The following TAF1D variants were observed in gnomAD, a reference collection of about 807,000 sequenced individuals.
TAF1D encodes TATA box-binding protein-associated factor RNA polymerase I subunit D.
Under a neutral mutation model 26.2 loss-of-function variants are expected in TAF1D, and 23 were observed. That is an observed-to-expected ratio of 0.88 (90% CI 0.63 to 1.25). TAF1D has a LOEUF of 1.25. Ranked by LOEUF, TAF1D falls within the 50% of genes most tolerant of loss-of-function variation. The probability of loss-of-function intolerance (pLI) is 0.00; values close to 1 mark genes in which losing one functional copy is unlikely to be tolerated. For missense variants in TAF1D, 299 were observed against 322.0 expected, an observed-to-expected ratio of 0.93 and a Z score of 0.55; for synonymous variants, 100 against 105.6, an observed-to-expected ratio of 0.95 and a Z score of 0.33.
At chr11:93,736,814 TCCAC>T in intron 4 of TAF1D, 63 bp from the exon 5 acceptor site, 3 of 1,513,064 alleles carry the variant, frequency 2.0e-6, no homozygotes, top group Non-Finnish European at 2.7e-6. Context: ...AGTTGTATAT[TCCAC>T]TCTGAAATAT....
chr11:93,731,502 G>A (rs769196738), downstream of TAF1D: 12 of 518,484 alleles, frequency 2.3e-5, no homozygotes, highest in African/African-American at 2.3e-4. Flanking sequence ...TAATGTAAAT[G>A]GATGTTCAGA....
downstream of TAF1D, chr11:93,735,325 G>A (rs1234716347): frequency 4.2e-6 from 5 of 1,189,858 alleles, no homozygotes; most frequent in Admixed American, 5.9e-5. Context: ...TTCTCCCCAG[G>A]TATACATGTT....
At chr11:93,730,547 A>G (rs1001392515) in exon 12 of TAF1D, 1 of 642,368 alleles carries the variant, frequency 1.6e-6, no homozygotes, top group Non-Finnish European at 2.9e-6. Context: ...AGCACCAAAC[A>G]TTAGGAGTGC....
Position 93,738,400 on chromosome 11 carries a change from A to G in TAF1D, c.168T>C (p.Pro56=). ...ATGAATCACTTGCGTGAACACTTTC[A>G]GGTGTACGAACAAATTTTCGAATGG... The part of the protein sequence containing the change: ...RNPIRKFVRT[P]ESVHASDSSS... Residue 56 remains proline, a synonymous_variant, in exon 3 of 6, where the codon CCT becomes CCC. Coordinates refer to ENST00000448108, the MANE Select transcript of TAF1D (RefSeq NM_024116.4). 6.2e-7 allele frequency: 1 copy of G among 1,613,794 alleles called. No homozygotes were observed. Among genetic ancestry groups the G allele is most frequent in the South Asian group, 1.1e-5 (1 of 90,936 alleles).
downstream of TAF1D, chr11:93,733,020 G>A (rs377605660): frequency 2.4e-4 from 81 of 333,356 alleles, no homozygotes; most frequent in South Asian, 1.9e-3. Context: ...TGAAATACTG[G>A]GATGGTGTAA....
At chr11:93,735,279 G>A (rs1301215923), downstream of TAF1D, 4 of 1,292,774 alleles carry the variant, frequency 3.1e-6, no homozygotes, top group Non-Finnish European at 4.1e-6. Flanking sequence ...GCTCTATCGT[G>A]GTGATCAAAA....
chr11:93,736,857 AAC>A (rs1465908059), intron 4 of TAF1D, 106 bp from the exon 5 acceptor site: 1 of 1,332,136 alleles, frequency 7.5e-7, no homozygotes, highest in Admixed American at 2.6e-5. Context: ...AGTCAAAGGA[AAC>A]ACAAAATTTG....
chr11:93,736,720 CT>C lies in TAF1D; in HGVS notation c.666del (p.Asp223IlefsTer14). ...GCCAATTTGATATCACATTCGTTAT[CT>C]TCAAGATGTGTTGCATCCTCATCCT... ...TAEDEDATHL[E>X]DNECDIKLAG... is the part of the protein sequence containing the mutation. On this transcript the variant is annotated frameshift_variant, in exon 5 of 6. Transcript: ENST00000448108. LOFTEE classifies it low-confidence loss of function (END_TRUNC). The C allele has an allele frequency of 6.2e-7, 1 of 1,611,288 alleles. No individual in the cohort carries two copies. Among genetic ancestry groups the C allele is most frequent in the Non-Finnish European group, 8.5e-7 (1 of 1,179,248 alleles).
chr11:93,740,853 G>A (rs1165138099), intron 1 of TAF1D, among the ~76,000 whole-genome samples: 1 of 152,152 alleles, frequency 6.6e-6, no homozygotes, highest in Non-Finnish European at 1.5e-5. Flanking sequence ...CTTTTTCGAA[G>A]TGTTTAGAAG....
chr11:93,733,888 T>C (rs1230032895), downstream of TAF1D: 1 of 154,124 alleles, frequency 6.5e-6, no homozygotes, highest in African/African-American at 2.4e-5. Context: ...GAAACTGCAA[T>C]ATGCTCTTAC....
intron 4 of TAF1D, 150 bp from the exon 5 acceptor site, chr11:93,736,901 A>G (rs1940917061): frequency 9.1e-7 from 1 of 1,096,150 alleles, no homozygotes; most frequent in South Asian, 1.7e-5. Context: ...TTCTAGATGA[A>G]CGGTGTGCCA....
downstream of TAF1D, chr11:93,732,466 T>C (rs1939380516): frequency 1.9e-6 from 1 of 518,764 alleles, no homozygotes; most frequent in Non-Finnish European, 3.8e-6. Flanking sequence ...CCCTAGCAGG[T>C]GTAAACTGCT....
chr11:93,734,476 G>T, downstream of TAF1D: 1 of 364,712 alleles, frequency 2.7e-6, no homozygotes, highest in Non-Finnish European at 5.4e-6. Flanking sequence ...TAAAATGTGT[G>T]AATCTAGGAT....
downstream of TAF1D, chr11:93,733,652 T>C (rs769152578): frequency 2.1e-6 from 1 of 487,038 alleles, no homozygotes; most frequent in South Asian, 1.5e-5. Context: ...GCCATGTCTT[T>C]TAAAAATCGT....
In TAF1D at chr11:93,736,131, T is replaced by A. The variant is rs1940710121; in HGVS notation, c.*30A>T. The A allele has an allele frequency of 1.2e-6, 2 of 1,611,442 alleles. No individual in the cohort carries two copies. The highest frequency in any genetic ancestry group is 2.2e-5 in the South Asian group (2 of 90,638). On this transcript the variant is annotated 3_prime_UTR_variant, in exon 6 of 6. Coordinates refer to ENST00000448108, the MANE Select transcript of TAF1D (RefSeq NM_024116.4). ...CATTTCTATGAAGTCGTTTTTTCTA[T>A]ATGCTTCACCTTTGACATTCATGAT...
chr11:93,731,167 C>CT (rs1938625667), downstream of TAF1D: 3 of 466,090 alleles, frequency 6.4e-6, no homozygotes, highest in Admixed American at 2.6e-5. Context: ...ACTTTGGCTT[C>CT]TGTCATCTCG....
chr11:93,735,861 T>A lies in TAF1D; in HGVS notation c.*300A>T, dbSNP rs1346007648. 2 of 1,115,596 alleles carry A rather than the reference T, an allele frequency of 1.8e-6. No individual in the cohort carries two copies. Among genetic ancestry groups the A allele is most frequent in the African/African-American group, 1.7e-5 (1 of 59,942 alleles). The allele number at this position is 1,115,596 out of a possible 1,614,324, so 69.1% of individuals were successfully genotyped here. ...CTTTTCAAAATTAAAATCACTACATTTCATTGTTTCAATACTCACAGGACA... is the reference window on the plus strand; with the variant it reads ...CTTTTCAAAATTAAAATCACTACATATCATTGTTTCAATACTCACAGGACA... On this transcript the variant is annotated 3_prime_UTR_variant, in exon 6 of 6. Coordinates refer to ENST00000448108, the MANE Select transcript of TAF1D (RefSeq NM_024116.4).
downstream of TAF1D, chr11:93,733,382 T>C: frequency 1.9e-6 from 1 of 518,934 alleles, no homozygotes. Context: ...TACAGATGTG[T>C]GGAGTATGCC....
rs1940680138 is a variant in TAF1D, at chr11:93,735,966, T to C, written c.*195A>G. On this transcript the variant is annotated 3_prime_UTR_variant, in exon 6 of 6. Transcript: ENST00000448108. ...TTTTCTCTGGTGTTTTAATGGTTTTTTTTCTAATTATTACTACTTCACAAG... is the reference window on the plus strand; with the variant it reads ...TTTTCTCTGGTGTTTTAATGGTTTTCTTTCTAATTATTACTACTTCACAAG... 15 of 1,345,006 alleles carry C rather than the reference T, an allele frequency of 1.1e-5. No individual in the cohort carries two copies. In the South Asian group the frequency reaches 2.8e-4, roughly 25 times the overall value. 83.3% of individuals were successfully genotyped at this position (1,345,006 alleles called of 1,614,324 possible). A position where few individuals can be genotyped will look rare whatever the true frequency, so the allele number is the denominator to read the frequency against.
Sources: gnomAD v4.1 joint callset for allele counts (sites outside exome capture counted in the v4.1 genomes callset) on GRCh38, gnomAD v4.1.1 for gene constraint, MANE v1.5 for transcripts, NCBI Gene and HGNC (gene_info 2026-07-23, HGNC 2026-07-21) for gene names.